The following FOXP2 variants were observed in gnomAD, a reference collection of about 807,000 sequenced individuals.
The protein encoded by FOXP2 is forkhead box P2.
In FOXP2, 12 loss-of-function variants were observed where a neutral mutation model predicts 115.8. The observed-to-expected ratio is 0.10, with a 90% CI of 0.07 to 0.17. FOXP2 has a LOEUF of 0.17. Ranked by LOEUF, FOXP2 falls within the 10% of genes least tolerant of loss-of-function variation. The probability of loss-of-function intolerance (pLI) is 1.00; values close to 1 mark genes in which losing one functional copy is unlikely to be tolerated. For synonymous variants in FOXP2, 328 were observed against 297.7 expected, an observed-to-expected ratio of 1.10 and a Z score of -1.05; for missense variants, 629 against 843.5, an observed-to-expected ratio of 0.75 and a Z score of 3.15.
intron 3 of FOXP2, among the ~76,000 whole-genome samples, chr7:114,546,551 A>C (rs941605907): frequency 3.9e-5 from 6 of 152,072 alleles, no homozygotes; most frequent in Admixed American, 2.0e-4. Flanking sequence ...TTTGATACCA[A>C]CTTGTTTTTG....
At chr7:114,409,943 G>A (rs1483636170), upstream of FOXP2, among the ~76,000 whole-genome samples, 1 of 151,990 alleles carries the variant, frequency 6.6e-6, no homozygotes, top group East Asian at 1.9e-4. Flanking sequence ...GACTGACTAA[G>A]CTCCAATCTA....
chr7:114,613,960 T>C (rs1177437672), intron 3 of FOXP2: 1 of 152,164 alleles, frequency 6.6e-6, no homozygotes, highest in African/African-American at 2.4e-5. Context: ...GGCTGTCATT[T>C]AACCAGTCTC....
chr7:114,692,589 AATCTGCTTTTCTGC>A lies in FOXP2; in HGVS notation c.*2673_*2686del. ...ATATCATTGCTTGCTAGTAATAGCA[AATCTGCTTTTCTGC>A]ATCTGCTTTGCGTAGCTATTGTAAG... is the stretch of plus-strand genomic sequence containing the variant. On this transcript the variant is annotated 3_prime_UTR_variant, in exon 17 of 17. Coordinates refer to ENST00000350908, the MANE Select transcript of FOXP2 (RefSeq NM_014491.4). 6.6e-6 allele frequency: 3 copies of A among 451,932 alleles called. No individual in the cohort carries two copies. The highest frequency in any genetic ancestry group is 4.7e-5 in the South Asian group (3 of 63,460). The allele number at this position is 451,932 out of a possible 1,614,324, so 28.0% of individuals were successfully genotyped here.
chr7:114,298,233 T>A (rs912249736), intron 2 of FOXP2, among the ~76,000 whole-genome samples: 7 of 152,204 alleles, frequency 4.6e-5, no homozygotes, highest in African/African-American at 1.7e-4. Context: ...GCAGAAGAGC[T>A]GCGTTTGTTA....
chr7:114,639,039 A>T (rs887777556), intron 6 of FOXP2, among the ~76,000 whole-genome samples: 1 of 152,170 alleles, frequency 6.6e-6, no homozygotes, highest in African/African-American at 2.4e-5. Flanking sequence ...GTATCATAGA[A>T]ATCTACTTTT....
At chr7:114,124,069 C>T (rs1791638112) in intron 1 of FOXP2, among the ~76,000 whole-genome samples, 1 of 150,152 alleles carries the variant, frequency 6.7e-6, no homozygotes, top group Non-Finnish European at 1.5e-5. Flanking sequence ...CCATTTTTAT[C>T]CTCTCTCTCT....
At chr7:114,101,899 TTGTG>T (rs5886693) in intron 1 of FOXP2, among the ~76,000 whole-genome samples, 1,927 of 142,438 alleles carry the variant, frequency 0.014, 31 homozygotes, top group African/African-American at 0.037. Flanking sequence ...CTTCAACATT[TTGTG>T]TGTGTGTGTG....
At chr7:114,638,996 G>A (rs750814332) in intron 6 of FOXP2, among the ~76,000 whole-genome samples, 1 of 152,040 alleles carries the variant, frequency 6.6e-6, no homozygotes, top group African/African-American at 2.4e-5. Flanking sequence ...ACAATAGCAC[G>A]GTTATATCAC....
chr7:114,212,124 T>TA (rs1554431719), intron 1 of FOXP2, among the ~76,000 whole-genome samples: 1 of 143,082 alleles, frequency 7.0e-6, no homozygotes, highest in Non-Finnish European at 1.5e-5. Flanking sequence ...TAAAATAAAA[T>TA]ATATATATAT....
chr7:114,325,190 T>G (rs1002980162), intron 2 of FOXP2, among the ~76,000 whole-genome samples: 1 of 151,944 alleles, frequency 6.6e-6, no homozygotes, highest in African/African-American at 2.4e-5. Context: ...TTTTACATAA[T>G]GTAGGAGGAT....
chr7:114,611,121 G>A (rs1361131819), intron 3 of FOXP2, among the ~76,000 whole-genome samples: 1 of 152,112 alleles, frequency 6.6e-6, no homozygotes, highest in Non-Finnish European at 1.5e-5. Context: ...GTGGTATCTT[G>A]TTCTATAATG....
chr7:114,609,203 A>T (rs1030946333), intron 3 of FOXP2, among the ~76,000 whole-genome samples: 1 of 149,098 alleles, frequency 6.7e-6, no homozygotes, highest in African/African-American at 2.5e-5. Flanking sequence ...ACAGAGTGGG[A>T]CTCTGTCTCA....
intron 2 of FOXP2, among the ~76,000 whole-genome samples, chr7:114,465,708 T>A (rs559445071): frequency 6.6e-6 from 1 of 152,296 alleles, no homozygotes; most frequent in South Asian, 2.1e-4. Flanking sequence ...AATCTTAGAT[T>A]CCTATTTTCT....
At chr7:114,142,003 T>A (rs957748135) in intron 1 of FOXP2, among the ~76,000 whole-genome samples, 39 of 152,030 alleles carry the variant, frequency 2.6e-4, no homozygotes, top group Middle Eastern at 3.4e-3. Context: ...CTTTAAACAA[T>A]TTTTAGAAAT....
At chr7:114,195,270 C>G (rs1360754270) in intron 1 of FOXP2, among the ~76,000 whole-genome samples, 2 of 152,130 alleles carry the variant, frequency 1.3e-5, no homozygotes, top group East Asian at 3.9e-4. Context: ...TAGTGACTTG[C>G]CACACAGAAA....
intron 2 of FOXP2, among the ~76,000 whole-genome samples, chr7:114,390,721 A>G (rs1318916082): frequency 6.7e-6 from 1 of 148,416 alleles, no homozygotes; most frequent in Admixed American, 6.7e-5. Context: ...CACCTAGCTG[A>G]TTTTTTTTTT....
intron 2 of FOXP2, among the ~76,000 whole-genome samples, chr7:114,294,787 G>C (rs980774808): frequency 1.3e-5 from 2 of 152,038 alleles, no homozygotes; most frequent in African/African-American, 4.8e-5. Flanking sequence ...GTTGCAGTGA[G>C]CTGGGATTGT....
At chr7:114,509,883 G>A (rs1469285867) in intron 2 of FOXP2, among the ~76,000 whole-genome samples, 1 of 151,248 alleles carries the variant, frequency 6.6e-6, no homozygotes, top group Non-Finnish European at 1.5e-5. Context: ...AATTAATGAA[G>A]AGTTGAGAGG....
intron 2 of FOXP2, among the ~76,000 whole-genome samples, chr7:114,530,887 G>A (rs965301085): frequency 6.6e-6 from 1 of 151,716 alleles, no homozygotes; most frequent in Non-Finnish European, 1.5e-5. Flanking sequence ...TGAAAAATGT[G>A]CATTCCCACA....
Sources: gnomAD v4.1 joint callset for allele counts (sites outside exome capture counted in the v4.1 genomes callset) on GRCh38, gnomAD v4.1.1 for gene constraint, MANE v1.5 for transcripts, NCBI Gene and HGNC (gene_info 2026-07-23, HGNC 2026-07-21) for gene names.